MCTP2: variants seen among roughly 807,000 people sequenced by gnomAD.
MCTP2 encodes the protein multiple C2 and transmembrane domain containing 2.
A neutral mutation model predicts 111.6 loss-of-function variants in MCTP2; 132 were observed. The ratio of observed to expected loss-of-function variants is 1.18; its 90% CI spans 1.03 to 1.37. The LOEUF is 1.37. MCTP2 is among the 40% of genes most tolerant of loss of function. The pLI is 0.00. For missense variants in MCTP2, 1,183 were observed against 1,067.9 expected (o/e 1.11, Z -1.50); for synonymous variants, 395 against 387.7 (o/e 1.02, Z -0.22).
chr15:94,390,110 ATATG>A (rs1378499983), intron 14 of MCTP2, among the ~76,000 whole-genome samples: 57 of 32,522 alleles, frequency 1.8e-3, no homozygotes, highest in Non-Finnish European at 2.4e-3. Flanking sequence ...ATATATATAT[ATATG>A]TATATATATA....
At chr15:94,472,112 T>G (rs1178253513) in intron 21 of MCTP2, among the ~76,000 whole-genome samples, 1 of 152,238 alleles carries the variant, frequency 6.6e-6, no homozygotes, top group Non-Finnish European at 1.5e-5. Flanking sequence ...GTGCAGTGGC[T>G]CACGCCTGTA....
rs534376011 is a variant in MCTP2 at position 94,235,322 on chromosome 15, G to A, written c.-66+3658G>A. ...TCCTCCACTGATGTTCTTCGAGTCC[G>A]GCAGCACCTACGTACCTGAGATTAA... On this transcript the variant is annotated intron_variant, in intron 1 of 22. Coordinates refer to ENST00000357742, the MANE Select transcript of MCTP2 (RefSeq NM_001385001.1). 5.3e-5 allele frequency among the ~76,000 whole-genome samples: 8 copies of A among 151,906 alleles called. No homozygotes were observed. The South Asian group carries it at 1.0e-3, about 20-fold the overall frequency.
intron 1 of MCTP2, among the ~76,000 whole-genome samples, chr15:94,287,979 G>A (rs766610120): frequency 8.5e-5 from 13 of 152,166 alleles, no homozygotes; most frequent in Non-Finnish European, 1.8e-4. Context: ...TCTCACTTTT[G>A]TCATGCCCCG....
At chr15:94,349,051 A>G (rs79978732) in intron 8 of MCTP2, among the ~76,000 whole-genome samples, 2 of 151,922 alleles carry the variant, frequency 1.3e-5, no homozygotes, top group East Asian at 1.9e-4. Context: ...TCTGTCTTCT[A>G]TCTCTATTTC....
intron 1 of MCTP2, among the ~76,000 whole-genome samples, chr15:94,294,517 C>A (rs2075170007): frequency 6.6e-6 from 1 of 152,214 alleles, no homozygotes; most frequent in South Asian, 2.1e-4. Context: ...ACCAGCTTCA[C>A]CCCCTCAAAT....
At chr15:94,317,347 G>T (rs1194135260) in intron 4 of MCTP2, among the ~76,000 whole-genome samples, 1 of 152,126 alleles carries the variant, frequency 6.6e-6, no homozygotes, top group Non-Finnish European at 1.5e-5. Flanking sequence ...GATGAGGAGA[G>T]CCGGGGCATG....
At chr15:94,435,732 C>A (rs1371628486) in intron 17 of MCTP2, among the ~76,000 whole-genome samples, 1 of 135,462 alleles carries the variant, frequency 7.4e-6, no homozygotes, top group East Asian at 2.6e-4. Context: ...CCCGGGTTCA[C>A]GCCATTCTCC....
chr15:94,315,252 T>G (rs11636017), intron 3 of MCTP2, among the ~76,000 whole-genome samples: 43,206 of 151,992 alleles, frequency 0.28, 6,790 homozygotes, highest in East Asian at 0.48. Context: ...TTAATGAGGG[T>G]ATTTCAGAGG....
At chr15:94,462,763 T>G (rs184181766) in intron 20 of MCTP2, among the ~76,000 whole-genome samples, 1 of 152,218 alleles carries the variant, frequency 6.6e-6, no homozygotes. Context: ...TATTTAACTT[T>G]TAGGACTCAG....
At chr15:94,418,667 G>A (rs900148256) in intron 17 of MCTP2, among the ~76,000 whole-genome samples, 1 of 152,028 alleles carries the variant, frequency 6.6e-6, no homozygotes, top group Non-Finnish European at 1.5e-5. Context: ...TTTTATTGGG[G>A]CATAGGTGAT....
At chr15:94,323,686 G>A (rs1229337986) in intron 4 of MCTP2, among the ~76,000 whole-genome samples, 1 of 152,140 alleles carries the variant, frequency 6.6e-6, no homozygotes, top group Non-Finnish European at 1.5e-5. Context: ...TTCTAAGAAC[G>A]AGTCTTACTC....
At chr15:94,441,518 G>C (rs1185813994) in intron 18 of MCTP2, among the ~76,000 whole-genome samples, 2 of 152,128 alleles carry the variant, frequency 1.3e-5, no homozygotes, top group African/African-American at 4.8e-5. Context: ...GTGCATATGT[G>C]TGCATGTGAG....
intron 19 of MCTP2, among the ~76,000 whole-genome samples, chr15:94,444,670 C>G (rs2084016009): frequency 1.3e-5 from 2 of 152,238 alleles, no homozygotes; most frequent in Admixed American, 1.3e-4. Context: ...ATGTTCGTAT[C>G]TCTCTTATCA....
intron 1 of MCTP2, among the ~76,000 whole-genome samples, chr15:94,281,539 G>A (rs2074487370): frequency 6.6e-6 from 1 of 152,116 alleles, no homozygotes; most frequent in Admixed American, 6.6e-5. Flanking sequence ...TTTAAGTGGG[G>A]TATTTAGCTT....
chr15:94,451,551 C>G (rs190527781), intron 19 of MCTP2, among the ~76,000 whole-genome samples: 1 of 152,278 alleles, frequency 6.6e-6, no homozygotes, highest in East Asian at 1.9e-4. Flanking sequence ...TTACACATTT[C>G]CCTCTGTAAA....
chr15:94,387,143 C>CTTCCCT (rs1567594688), intron 14 of MCTP2, among the ~76,000 whole-genome samples: 2 of 151,348 alleles, frequency 1.3e-5, no homozygotes, highest in East Asian at 3.9e-4. Context: ...CCTCCTTCCC[C>CTTCCCT]CCTTCCTCCT....
In MCTP2 at chr15:94,476,683, T is replaced by G. The variant is rs770319258; in HGVS notation, c.2471-13T>G. Reference sequence around the variant, plus strand: ...AGACAGATAAAGAGATCTCCTGTGTTTCTATTTTTCAGGCATAAATAAATT... The same window carrying G: ...AGACAGATAAAGAGATCTCCTGTGTGTCTATTTTTCAGGCATAAATAAATT... On this transcript the variant is annotated splice_polypyrimidine_tract_variant and intron_variant, in intron 21 of 22. Transcript: ENST00000357742. The G allele has an allele frequency of 5.9e-6, 8 of 1,355,620 alleles. No individual in the cohort carries two copies. The African/African-American group carries it at 1.0e-4, about 17-fold the overall frequency. 84.0% of individuals were successfully genotyped at this position (1,355,620 alleles called of 1,614,324 possible). A position where few individuals can be genotyped will look rare whatever the true frequency, so the allele number is the denominator to read the frequency against.
chr15:94,323,088 C>T (rs886084388), intron 4 of MCTP2, among the ~76,000 whole-genome samples: 1 of 152,176 alleles, frequency 6.6e-6, no homozygotes, highest in African/African-American at 2.4e-5. Context: ...AAACACAGAG[C>T]TGGTATGTTA....
chr15:94,243,720 CACAT>C (rs1209898663), intron 1 of MCTP2, among the ~76,000 whole-genome samples: 18 of 118,790 alleles, frequency 1.5e-4, no homozygotes, highest in South Asian at 5.1e-4. Context: ...TATATGTATA[CACAT>C]ACATATGTGT....
Sources: gnomAD v4.1 joint callset for allele counts (sites outside exome capture counted in the v4.1 genomes callset) on GRCh38, gnomAD v4.1.1 for gene constraint, MANE v1.5 for transcripts, NCBI Gene and HGNC (gene_info 2026-07-23, HGNC 2026-07-21) for gene names.